The following JAKMIP3 variants were observed in gnomAD, a reference collection of about 807,000 sequenced individuals.
JAKMIP3 encodes the protein janus kinase and microtubule-interacting protein 3.
A neutral mutation model predicts 118.5 loss-of-function variants in JAKMIP3; 58 were observed. The ratio of observed to expected loss-of-function variants is 0.49; its 90% CI spans 0.40 to 0.61. The LOEUF (loss-of-function observed/expected upper bound fraction) is 0.61, where lower values mean the gene tolerates loss of function less well. Among genes scored for constraint, JAKMIP3 ranks in the 20% least tolerant of loss-of-function variants. The pLI is 0.00. For synonymous variants in JAKMIP3, 486 were observed against 451.2 expected (o/e 1.08, Z -0.98); for missense variants, 950 against 1,109.0 (o/e 0.86, Z 2.04).
At chr10:132,110,932 G>A (rs1489383313) in intron 2 of JAKMIP3, among the ~76,000 whole-genome samples, 1 of 152,244 alleles carries the variant, frequency 6.6e-6, no homozygotes, top group African/African-American at 2.4e-5. Flanking sequence ...CCGTGTTTTT[G>A]TCGTGGACAC....
chr10:132,168,306 G>T lies in JAKMIP3; in HGVS notation c.*376G>T, dbSNP rs186016621. 3.1e-6 allele frequency: 4 copies of T among 1,289,412 alleles called. No homozygotes were observed. Among genetic ancestry groups the T allele is most frequent in the Middle Eastern group, 2.1e-4 (1 of 4,718 alleles). The allele number at this position is 1,289,412 out of a possible 1,614,324, so 79.9% of individuals were successfully genotyped here. A position where few individuals can be genotyped will look rare whatever the true frequency, so the allele number is the denominator to read the frequency against. On this transcript the variant is annotated 3_prime_UTR_variant, in exon 23 of 24. Transcript: ENST00000684848. ...CTGCTTCTGTGCAGAAGCACCAGCC[G>T]CGGGTCCCCTCCTCTCTCTTGGTTC...
At chr10:132,154,025 G>T (rs1391696533) in intron 19 of JAKMIP3, 35 bp downstream of exon 19, 3 of 1,602,126 alleles carry the variant, frequency 1.9e-6, no homozygotes, top group South Asian at 1.1e-5. Context: ...CCCCGGGGAG[G>T]GGCACTGGGC....
Position 132,104,745 on chromosome 10 carries a change from C to A in JAKMIP3, c.-64C>A. 6.6e-7 allele frequency: 1 copy of A among 1,520,184 alleles called. No homozygotes were observed. The highest frequency in any genetic ancestry group is 8.9e-7 in the Non-Finnish European group (1 of 1,124,708). The allele number at this position is 1,520,184 out of a possible 1,614,324, so 94.2% of individuals were successfully genotyped here. On this transcript the variant is annotated 5_prime_UTR_variant, in exon 2 of 24. Coordinates refer to ENST00000684848, the MANE Select transcript of JAKMIP3 (RefSeq NM_001323087.2). ...GAGCTTGGCGTGGACACCCCAGCCACCCCCAGCCCAGCCCAGCCGGAGCAC... is the reference window on the plus strand; with the variant it reads ...GAGCTTGGCGTGGACACCCCAGCCAACCCCAGCCCAGCCCAGCCGGAGCAC...
intron 11 of JAKMIP3, among the ~76,000 whole-genome samples, chr10:132,143,147 T>TG (rs1189453501): frequency 2.9e-4 from 43 of 147,566 alleles, no homozygotes; most frequent in African/African-American, 4.4e-4. Context: ...TGAGTCGGGG[T>TG]GGGGGGGGCT....
intron 1 of JAKMIP3, among the ~76,000 whole-genome samples, chr10:132,085,400 T>C (rs2042261973): frequency 6.6e-6 from 1 of 152,248 alleles, no homozygotes; most frequent in African/African-American, 2.4e-5. Flanking sequence ...ATTTCTGTGA[T>C]GTCAATTGTA....
chr10:132,154,449 C>T (rs1039056460), intron 19 of JAKMIP3, among the ~76,000 whole-genome samples: 18 of 152,286 alleles, frequency 1.2e-4, no homozygotes, highest in African/African-American at 3.4e-4. Flanking sequence ...GAGCATAGGA[C>T]GTTTCTAGGT....
chr10:132,149,561 C>T (rs2055440142), intron 15 of JAKMIP3, 51 bp downstream of exon 15: 1 of 800,776 alleles, frequency 1.2e-6, no homozygotes, highest in Non-Finnish European at 1.8e-6. Flanking sequence ...CCATCCCCCG[C>T]CCCACCCCCT....
At chr10:132,159,918 G>A (rs74954719) in intron 19 of JAKMIP3, among the ~76,000 whole-genome samples, 2 of 19,948 alleles carry the variant, frequency 1.0e-4, no homozygotes, top group Non-Finnish European at 8.6e-5. Flanking sequence ...CCTGTGTGAT[G>A]CTGGGGGGGG....
chr10:132,060,522 C>T (rs1024245403), upstream of JAKMIP3, among the ~76,000 whole-genome samples: 4 of 152,164 alleles, frequency 2.6e-5, no homozygotes, highest in Non-Finnish European at 5.9e-5. Context: ...CAAAATCCTG[C>T]AATGACCCTG....
chr10:132,159,568 GCGT>G (rs2057653394), intron 19 of JAKMIP3, among the ~76,000 whole-genome samples: 2 of 75,150 alleles, frequency 2.7e-5, no homozygotes, highest in Non-Finnish European at 5.6e-5. Context: ...TGCTGGGGGG[GCGT>G]GTCTCCCTGT....
intron 1 of JAKMIP3, among the ~76,000 whole-genome samples, chr10:132,053,810 A>ATG: frequency 6.6e-6 from 1 of 152,054 alleles, no homozygotes; most frequent in South Asian, 2.1e-4. Context: ...CGAGGCGGGC[A>ATG]GATCACGAGG....
intron 23 of JAKMIP3, among the ~76,000 whole-genome samples, chr10:132,176,460 G>A (rs939340888): frequency 3.3e-5 from 5 of 152,214 alleles, no homozygotes; most frequent in South Asian, 2.1e-4. Context: ...TGCTCATTTC[G>A]TCCCTTCATT....
At chr10:132,116,995 A>C (rs1589851673) in intron 2 of JAKMIP3, 82 bp from the exon 3 acceptor site, 4 of 1,473,582 alleles carry the variant, frequency 2.7e-6, no homozygotes, top group South Asian at 1.3e-5. Flanking sequence ...GCAACGTGGA[A>C]GCTCCCCCAA....
At chr10:132,103,418 G>A (rs12762662) in intron 1 of JAKMIP3, among the ~76,000 whole-genome samples, 1 of 85,418 alleles carries the variant, frequency 1.2e-5, no homozygotes, top group Non-Finnish European at 2.3e-5. Flanking sequence ...GAGAGGAGCA[G>A]CTGGAGGGGA....
In JAKMIP3 at chr10:132,118,839, G is replaced by A. The variant is rs367837056; in HGVS notation, c.633+1265G>A. The stretch of plus-strand genomic sequence containing the variant: ...CTCATAAGAACCGGGTGCTTTCTTC[G>A]CGTGACACGATGCTTGCTTTTCTGT... On this transcript the variant is annotated intron_variant, in intron 3 of 23. Transcript: ENST00000684848. This position sits in a 1 kb window ranked among gnomAD's most constrained non-coding sequence, Gnocchi z 4.8. Among the ~76,000 whole-genome samples the A allele has an allele frequency of 3.9e-5, 6 of 152,292 alleles. No homozygotes were observed. Among genetic ancestry groups the A allele is most frequent in the Admixed American group, 1.3e-4 (2 of 15,304 alleles).
In JAKMIP3 at chr10:132,156,138, C is replaced by T. The variant is rs557603755; in HGVS notation, c.2220+2148C>T. On this transcript the variant is annotated intron_variant, in intron 19 of 23. Transcript: ENST00000684848. Reference sequence around the variant, plus strand: ...CCTCTGCCCGCGCCTTCTGGGACTCCCAGCTGCCCTTACTGGAGAGACCTT... The same window carrying T: ...CCTCTGCCCGCGCCTTCTGGGACTCTCAGCTGCCCTTACTGGAGAGACCTT... Among the ~76,000 whole-genome samples, 499 of 152,294 alleles carry T rather than the reference C, an allele frequency of 3.3e-3. 1 individual carries two copies. Among genetic ancestry groups the T allele is most frequent in the African/African-American group, 0.01 (433 of 41,548 alleles).
intron 19 of JAKMIP3, among the ~76,000 whole-genome samples, chr10:132,157,448 A>G (rs2057230436): frequency 6.6e-6 from 1 of 152,166 alleles, no homozygotes. Context: ...ATTCCTATCC[A>G]TTTCTGACGT....
intron 1 of JAKMIP3, among the ~76,000 whole-genome samples, chr10:132,080,547 A>C (rs12253287): frequency 0.29 from 29,854 of 103,190 alleles, 4,413 homozygotes; most frequent in East Asian, 0.46. Flanking sequence ...TTTAAGATGG[A>C]GTCTCTCTCT....
chr10:132,173,000 C>T (rs2059678552), intron 23 of JAKMIP3, among the ~76,000 whole-genome samples: 1 of 49,206 alleles, frequency 2.0e-5, no homozygotes, highest in Non-Finnish European at 4.3e-5. Context: ...TCTCTCCTTC[C>T]CTCTCTCTCT....
Sources: gnomAD v4.1 joint callset for allele counts (sites outside exome capture counted in the v4.1 genomes callset) on GRCh38, gnomAD v4.1.1 for gene constraint, Gnocchi (gnomAD v3.1) non-coding constraint, MANE v1.5 for transcripts, NCBI Gene and HGNC (gene_info 2026-07-23, HGNC 2026-07-21) for gene names.